The following SMAP1 variants were observed in gnomAD, a reference collection of about 807,000 sequenced individuals.
SMAP1 encodes the protein stromal membrane-associated protein 1.
SMAP1 carries 24 observed loss-of-function variants against 58.5 expected under a neutral mutation model. The ratio of observed to expected loss-of-function variants is 0.41; its 90% CI spans 0.30 to 0.58. SMAP1 has a LOEUF of 0.58. Among genes scored for constraint, SMAP1 ranks in the 20% least tolerant of loss-of-function variants. The pLI is 0.29. For synonymous variants in SMAP1, 216 were observed against 196.6 expected (o/e 1.10, Z -0.82); for missense variants, 563 against 566.3 (o/e 0.99, Z 0.06).
At chr6:70,768,845 G>T (rs573163246) in intron 3 of SMAP1, among the ~76,000 whole-genome samples, 126 of 151,930 alleles carry the variant, frequency 8.3e-4, no homozygotes, top group African/African-American at 2.9e-3. Flanking sequence ...GTGATATTAG[G>T]GTGTCACTTT....
rs1001231865 is a variant in SMAP1, at chr6:70,835,541, T to C, written c.577-1400T>C. 2.6e-5 allele frequency among the ~76,000 whole-genome samples: 4 copies of C among 152,204 alleles called. No individual in the cohort carries two copies. In the East Asian group the frequency reaches 7.7e-4, roughly 29 times the overall value. On this transcript the variant is annotated intron_variant, in intron 6 of 10. Coordinates refer to ENST00000370455, the MANE Select transcript of SMAP1 (RefSeq NM_001044305.3). ...GTTTTTAAGAGATGGGGTCTTACTC[T>C]GTTGCCCAGGCTGGAACTGCGGTAG... is the stretch of plus-strand genomic sequence containing the variant.
intron 1 of SMAP1, among the ~76,000 whole-genome samples, chr6:70,721,670 T>TG (rs773907670): frequency 6.6e-6 from 1 of 152,108 alleles, no homozygotes; most frequent in Non-Finnish European, 1.5e-5. Context: ...TAACTGAGCC[T>TG]GGGAAGAAAA....
intron 1 of SMAP1, among the ~76,000 whole-genome samples, chr6:70,728,838 C>T (rs979561384): frequency 1.3e-5 from 2 of 152,102 alleles, no homozygotes; most frequent in African/African-American, 4.8e-5. Flanking sequence ...TATCTTTCTC[C>T]CTCTTCTTCT....
intron 6 of SMAP1, among the ~76,000 whole-genome samples, chr6:70,821,949 T>C (rs1247939575): frequency 6.6e-6 from 1 of 152,156 alleles, no homozygotes; most frequent in Non-Finnish European, 1.5e-5. Context: ...TGCAATCATT[T>C]GAAGCTTTAT....
intron 1 of SMAP1, among the ~76,000 whole-genome samples, chr6:70,717,562 C>G (rs1397675751): frequency 6.6e-6 from 1 of 152,192 alleles, no homozygotes; most frequent in East Asian, 1.9e-4. Flanking sequence ...GATGTTTTCT[C>G]AGTTGCCCCA....
rs369503723 is a variant in SMAP1, at chr6:70,803,722, A to G, written c.576+4985A>G. On this transcript the variant is annotated intron_variant, in intron 6 of 10. Transcript: ENST00000370455. ...TTTGTTCTCATTGGTTTCAAAGAAC[A>G]TCGTTATTTCTGCCTTCATTTCTTT... 4.6e-5 allele frequency among the ~76,000 whole-genome samples: 7 copies of G among 152,208 alleles called. No individual in the cohort carries two copies. In the East Asian group the frequency reaches 1.2e-3, roughly 25 times the overall value.
intron 7 of SMAP1, among the ~76,000 whole-genome samples, chr6:70,841,246 A>G (rs536175612): frequency 1.3e-5 from 2 of 152,288 alleles, no homozygotes; most frequent in Admixed American, 6.5e-5. Context: ...GTTTCATTTC[A>G]ACCTCCCATT....
intron 2 of SMAP1, among the ~76,000 whole-genome samples, chr6:70,749,371 A>T (rs1388968104): frequency 6.6e-6 from 1 of 152,220 alleles, no homozygotes; most frequent in Non-Finnish European, 1.5e-5. Flanking sequence ...GCCAAACCAT[A>T]TCAATTGGGT....
At chr6:70,685,647 A>G (rs1766906179) in intron 1 of SMAP1, among the ~76,000 whole-genome samples, 1 of 152,226 alleles carries the variant, frequency 6.6e-6, no homozygotes, top group Non-Finnish European at 1.5e-5. Flanking sequence ...TTCTGAAGAC[A>G]GGTGTAAGTA....
At chr6:70,743,086 G>T (rs1404828749) in intron 2 of SMAP1, among the ~76,000 whole-genome samples, 1 of 152,190 alleles carries the variant, frequency 6.6e-6, no homozygotes, top group Non-Finnish European at 1.5e-5. Context: ...TCAACTTCCT[G>T]TGCTTTTCTC....
At chr6:70,792,770 C>T (rs183506827) in intron 5 of SMAP1, among the ~76,000 whole-genome samples, 44 of 152,068 alleles carry the variant, frequency 2.9e-4, no homozygotes, top group Non-Finnish European at 1.5e-5. Context: ...ATGAAGGAGC[C>T]TTCTCATGAG....
chr6:70,823,146 C>G (rs536734661), intron 6 of SMAP1, among the ~76,000 whole-genome samples: 1 of 152,092 alleles, frequency 6.6e-6, no homozygotes, highest in Non-Finnish European at 1.5e-5. Flanking sequence ...GATGCTTGAT[C>G]TTTCTCTTCA....
intron 2 of SMAP1, among the ~76,000 whole-genome samples, chr6:70,736,326 GTACT>G (rs1284955741): frequency 6.6e-6 from 1 of 152,010 alleles, no homozygotes; most frequent in African/African-American, 2.4e-5. Flanking sequence ...TTATTGTCAC[GTACT>G]TCTCAAATTT....
chr6:70,801,027 A>G (rs1455628147), intron 6 of SMAP1, among the ~76,000 whole-genome samples: 1 of 152,220 alleles, frequency 6.6e-6, no homozygotes. Context: ...CTTTGGGTAT[A>G]TACTCAGTAA....
chr6:70,787,000 T>G (rs1007024266), intron 4 of SMAP1, among the ~76,000 whole-genome samples: 9 of 152,164 alleles, frequency 5.9e-5, no homozygotes, highest in Non-Finnish European at 8.8e-5. Context: ...AAGTCAGTCC[T>G]AAGCCAAAAG....
At chr6:70,853,080 A>G (rs984704782) in intron 8 of SMAP1, among the ~76,000 whole-genome samples, 4 of 152,190 alleles carry the variant, frequency 2.6e-5, no homozygotes, top group African/African-American at 7.2e-5. Flanking sequence ...AGAGCTTTTA[A>G]AACTGTGGCT....
At chr6:70,817,577 A>G (rs1412654090) in intron 6 of SMAP1, among the ~76,000 whole-genome samples, 1 of 152,190 alleles carries the variant, frequency 6.6e-6, no homozygotes, top group Non-Finnish European at 1.5e-5. Context: ...CAAATAGTCC[A>G]GGACTTATTG....
At chr6:70,729,394 A>C (rs1050062398) in intron 1 of SMAP1, among the ~76,000 whole-genome samples, 48 of 150,006 alleles carry the variant, frequency 3.2e-4, no homozygotes, top group African/African-American at 1.1e-3. Flanking sequence ...AGCCGAGATC[A>C]CGCCACTGCA....
At chr6:70,809,782 C>T (rs1280669696) in intron 6 of SMAP1, among the ~76,000 whole-genome samples, 1 of 152,120 alleles carries the variant, frequency 6.6e-6, no homozygotes, top group East Asian at 1.9e-4. Context: ...TTGGAAGATT[C>T]TTTATATTTT....
Sources: gnomAD v4.1 joint callset for allele counts (sites outside exome capture counted in the v4.1 genomes callset) on GRCh38, gnomAD v4.1.1 for gene constraint, MANE v1.5 for transcripts, NCBI Gene and HGNC (gene_info 2026-07-23, HGNC 2026-07-21) for gene names.